Variants in TRPC5 observed in about 807,000 individuals in gnomAD.
TRPC5 encodes the protein transient receptor potential cation channel subfamily C member 5.
TRPC5 carries 9 observed loss-of-function variants against 56.5 expected under a neutral mutation model. The observed-to-expected ratio is 0.16, with a 90% CI of 0.10 to 0.28. The LOEUF (loss-of-function observed/expected upper bound fraction) is 0.28. Among genes scored for constraint, TRPC5 ranks in the 10% least tolerant of loss-of-function variants. The probability of loss-of-function intolerance (pLI) is 1.00; values close to 1 mark genes in which losing one functional copy is unlikely to be tolerated. For missense variants in TRPC5, 469 were observed against 748.9 expected (o/e 0.63, Z 4.36); for synonymous variants, 282 against 278.5 (o/e 1.01, Z -0.13).
intron 2 of TRPC5, among the ~76,000 whole-genome samples, chrX:111,950,256 T>C (rs1205592125): frequency 6.5e-5 from 7 of 108,084 alleles, no homozygotes; most frequent in African/African-American, 1.0e-4. Flanking sequence ...ACCCAGGAGG[T>C]GGAGCTTGCA....
chrX:112,016,082 T>A (rs140949862), intron 1 of TRPC5, among the ~76,000 whole-genome samples: 1,828 of 112,155 alleles, frequency 0.016, 21 homozygotes, highest in African/African-American at 0.056. Flanking sequence ...TTTTGAATAT[T>A]GCAGTTAGCT....
At chrX:111,847,985 G>T (rs755952364) in intron 5 of TRPC5, among the ~76,000 whole-genome samples, 11 of 111,483 alleles carry the variant, frequency 9.9e-5, no homozygotes, top group African/African-American at 3.3e-4. Flanking sequence ...GCTGATGGAG[G>T]ATCCTTAGGG....
chrX:111,810,081 A>G (rs1921654811), intron 7 of TRPC5, among the ~76,000 whole-genome samples: 1 of 109,735 alleles, frequency 9.1e-6, no homozygotes, highest in African/African-American at 3.3e-5. Flanking sequence ...TGCCAGGCTA[A>G]TTTTTGTATT....
chrX:111,920,219 G>A, intron 2 of TRPC5, among the ~76,000 whole-genome samples: 1 of 111,368 alleles, frequency 9.0e-6, no homozygotes, highest in Non-Finnish European at 1.9e-5. Context: ...AGGTTGCAGT[G>A]AGTGAAGATC....
Position 111,944,311 on chromosome X carries a change from A to T in TRPC5, c.378+7732T>A, listed in dbSNP as rs1045254261. Among the ~76,000 whole-genome samples, 24 of 86,941 alleles carry T rather than the reference A, an allele frequency of 2.8e-4. No homozygotes were observed. In the East Asian group the frequency reaches 4.8e-3, roughly 18 times the overall value. The allele number at this position is 86,941 out of a possible 115,157, so 75.5% of individuals were successfully genotyped here. Reference sequence around the variant, plus strand: ...GTGTGTGTGTGTGTGTGTGAGAGAGAGAGAGAGAGAGAGAGAGAGAGAGAG... The same window carrying T: ...GTGTGTGTGTGTGTGTGTGAGAGAGTGAGAGAGAGAGAGAGAGAGAGAGAG... On this transcript the variant is annotated intron_variant, in intron 2 of 10. Coordinates refer to ENST00000262839, the MANE Select transcript of TRPC5 (RefSeq NM_012471.3).
intron 1 of TRPC5, among the ~76,000 whole-genome samples, chrX:112,067,022 C>T (rs757346640): frequency 5.2e-4 from 59 of 112,398 alleles, no homozygotes; most frequent in Middle Eastern, 9.2e-3. Flanking sequence ...CACACATATC[C>T]GGAGCTTCAG....
At chrX:112,036,415 AACAG>A (rs1004865975) in intron 1 of TRPC5, among the ~76,000 whole-genome samples, 15 of 111,823 alleles carry the variant, frequency 1.3e-4, no homozygotes, top group Non-Finnish European at 2.8e-4. Context: ...CATAGATTAG[AACAG>A]ACAAACACAA....
At chrX:111,955,203 G>T (rs1240073228) in intron 1 of TRPC5, among the ~76,000 whole-genome samples, 1 of 111,782 alleles carries the variant, frequency 8.9e-6, no homozygotes, top group Non-Finnish European at 1.9e-5. Flanking sequence ...TTTTCCAGTG[G>T]GCTCTGTTGT....
At chrX:111,816,784 C>A (rs188182761) in intron 7 of TRPC5, among the ~76,000 whole-genome samples, 27 of 111,506 alleles carry the variant, frequency 2.4e-4, no homozygotes, top group Middle Eastern at 4.6e-3. Context: ...GTAGATGCCA[C>A]CCCTCTCCAT....
At chrX:111,957,076 C>A (rs1240468579) in intron 1 of TRPC5, among the ~76,000 whole-genome samples, 3 of 112,160 alleles carry the variant, frequency 2.7e-5, no homozygotes, top group Admixed American at 9.5e-5. Flanking sequence ...TTCAGTCATT[C>A]TTATTAGATA....
In TRPC5 at chrX:111,854,121, A is replaced by G. The variant is rs767901278; in HGVS notation, c.901-15T>C. The G allele has an allele frequency of 1.2e-5, 14 of 1,190,473 alleles. No homozygotes were observed. In the South Asian group the frequency reaches 2.6e-4, roughly 22 times the overall value. ...TGAGCAACAAACTGGGAAAAGAAGAAAACAAGTTAGGCATCTGGAATGTCC... is the reference window on the plus strand; with the variant it reads ...TGAGCAACAAACTGGGAAAAGAAGAGAACAAGTTAGGCATCTGGAATGTCC... On this transcript the variant is annotated splice_polypyrimidine_tract_variant and intron_variant, in intron 3 of 10. Transcript: ENST00000262839.
intron 1 of TRPC5, among the ~76,000 whole-genome samples, chrX:111,966,446 C>A (rs187749417): frequency 8.8e-4 from 97 of 110,359 alleles, no homozygotes; most frequent in African/African-American, 2.8e-3. Flanking sequence ...ACCAATCAAT[C>A]GAAAAAGAGG....
At chrX:111,800,539 G>T (rs766122726) in intron 7 of TRPC5, among the ~76,000 whole-genome samples, 2 of 110,474 alleles carry the variant, frequency 1.8e-5, no homozygotes, top group Admixed American at 1.9e-4. Flanking sequence ...CCAAGGCGGG[G>T]GGATCACTTG....
rs143547387 is a variant in TRPC5, at chrX:111,802,820, C to G, written c.1897-20682G>C. On this transcript the variant is annotated intron_variant, in intron 7 of 10. Transcript: ENST00000262839. ...ATAATGGTGACAAACTCATAGCAAG[C>G]CTGCATGTTATATCTATATCTTTAT... 4.8e-4 allele frequency among the ~76,000 whole-genome samples: 54 copies of G among 111,451 alleles called. No homozygotes were observed. The East Asian group carries it at 7.3e-3, about 15-fold the overall frequency.
In TRPC5 at chrX:111,835,224, G is replaced by A. The variant is rs1000955318; in HGVS notation, c.1701-108C>T. On this transcript the variant is annotated intron_variant, in intron 6 of 10. Transcript: ENST00000262839. ...CGAAGGGGCTGCCAGATCTGTGACA[G>A]ATAAACTGGTGATCTCACATATTTT... is the stretch of plus-strand genomic sequence containing the variant. The A allele has an allele frequency of 2.3e-5, 15 of 652,432 alleles. No homozygotes were observed. The African/African-American group carries it at 3.1e-4, about 14-fold the overall frequency. 53.8% of individuals were successfully genotyped at this position (652,432 alleles called of 1,213,427 possible).
chrX:111,917,946 T>C (rs1926022875), intron 2 of TRPC5, among the ~76,000 whole-genome samples: 1 of 112,823 alleles, frequency 8.9e-6, no homozygotes, highest in Non-Finnish European at 1.9e-5. Flanking sequence ...GCTTCACCCT[T>C]GTCTGAGTTT....
chrX:111,960,746 G>A (rs1027269209), intron 1 of TRPC5, among the ~76,000 whole-genome samples: 1 of 111,154 alleles, frequency 9.0e-6, no homozygotes, highest in Admixed American at 9.6e-5. Context: ...GAGCTTATTG[G>A]CCAAACTTCC....
intron 1 of TRPC5, among the ~76,000 whole-genome samples, chrX:112,038,470 G>C (rs753166214): frequency 2.7e-5 from 3 of 111,454 alleles, no homozygotes; most frequent in Non-Finnish European, 5.6e-5. Context: ...TCTGACTGCA[G>C]AGTTATTTTG....
At chrX:111,883,063 G>A (rs1214887591) in intron 3 of TRPC5, among the ~76,000 whole-genome samples, 1 of 98,591 alleles carries the variant, frequency 1.0e-5, no homozygotes, top group Non-Finnish European at 2.0e-5. Flanking sequence ...TCCAGCCTGG[G>A]AAACAGAGCA....
Sources: gnomAD v4.1 joint callset for allele counts (sites outside exome capture counted in the v4.1 genomes callset) on GRCh38, gnomAD v4.1.1 for gene constraint, MANE v1.5 for transcripts, NCBI Gene and HGNC (gene_info 2026-07-23, HGNC 2026-07-21) for gene names.